PTPRT: variants seen among roughly 807,000 people sequenced by gnomAD.
The protein encoded by PTPRT is receptor-type tyrosine-protein phosphatase T.
A neutral mutation model predicts 176.8 loss-of-function variants in PTPRT; 56 were observed. That is an observed-to-expected ratio of 0.32 (90% CI 0.26 to 0.40). The LOEUF (loss-of-function observed/expected upper bound fraction) is 0.40. Ranked by LOEUF, PTPRT falls within the 10% of genes least tolerant of loss-of-function variation. The pLI, the probability that PTPRT is intolerant of heterozygous loss-of-function variation, is 1.00. For synonymous variants in PTPRT, 783 were observed against 739.0 expected (o/e 1.06, Z -0.96); for missense variants, 1,540 against 1,908.2 (o/e 0.81, Z 3.60).
At chr20:42,554,118 G>C (rs2072818545) in intron 7 of PTPRT, among the ~76,000 whole-genome samples, 1 of 152,090 alleles carries the variant, frequency 6.6e-6, no homozygotes, top group African/African-American at 2.4e-5. Context: ...GAAGAGAAAA[G>C]AGTCCGTAAT....
chr20:43,180,204 A>G (rs77369780), intron 1 of PTPRT, among the ~76,000 whole-genome samples: 6,483 of 152,268 alleles, frequency 0.043, 194 homozygotes, highest in Non-Finnish European at 0.066. Flanking sequence ...GACTCAAGTC[A>G]GAGCCTACAC....
intron 15 of PTPRT, among the ~76,000 whole-genome samples, chr20:42,210,381 T>C (rs1490446640): frequency 1.3e-5 from 2 of 151,940 alleles, no homozygotes; most frequent in African/African-American, 2.4e-5. Context: ...GATGACATGA[T>C]TGTATATCTA....
the PTPRT span, among the ~76,000 whole-genome samples, chr20:42,056,109 G>A: frequency 1.3e-5 from 2 of 152,126 alleles, no homozygotes; most frequent in African/African-American, 4.8e-5. Flanking sequence ...TCTTATTGAA[G>A]TTCTAATTGT....
At chr20:42,332,641 CA>C (rs1183233878) in intron 11 of PTPRT, among the ~76,000 whole-genome samples, 1 of 150,672 alleles carries the variant, frequency 6.6e-6, no homozygotes, top group African/African-American at 2.5e-5. Context: ...ATGTGGAAAA[CA>C]TTTTTTTTTT....
intron 11 of PTPRT, among the ~76,000 whole-genome samples, chr20:42,341,037 A>C (rs1354394416): frequency 6.6e-6 from 1 of 151,688 alleles, no homozygotes; most frequent in African/African-American, 2.4e-5. Context: ...TTCACCTTGA[A>C]TCTATTACTG....
At position 42,075,010 on chromosome 20, in the gene PTPRT, C is replaced by T. The variant is rs1982633737; in HGVS notation, c.*5869G>A. The T allele has an allele frequency of 5.1e-6, 2 of 391,610 alleles. No individual in the cohort carries two copies. Among genetic ancestry groups the T allele is most frequent in the Non-Finnish European group, 4.5e-6 (1 of 223,712 alleles). 24.3% of individuals were successfully genotyped at this position (391,610 alleles called of 1,614,324 possible). The stretch of plus-strand genomic sequence containing the variant: ...AGCTAGAACAGCTCCCCCCACACTC[C>T]ACCACTAACCTCTCTCCCTGCTGTT... On this transcript the variant is annotated 3_prime_UTR_variant, in exon 31 of 31. Coordinates refer to ENST00000373187, the MANE Select transcript of PTPRT (RefSeq NM_007050.6).
At chr20:43,129,926 T>C in intron 1 of PTPRT, among the ~76,000 whole-genome samples, 1 of 152,162 alleles carries the variant, frequency 6.6e-6, no homozygotes, top group East Asian at 1.9e-4. Context: ...CCCAAAGAGT[T>C]CTTTTCGGGA....
intron 1 of PTPRT, among the ~76,000 whole-genome samples, chr20:43,026,734 C>A (rs1985929407): frequency 6.6e-6 from 1 of 152,104 alleles, no homozygotes; most frequent in African/African-American, 2.4e-5. Context: ...CCTTCCACAC[C>A]CTCACTTCCC....
chr20:43,010,240 A>T (rs966572307), intron 1 of PTPRT, among the ~76,000 whole-genome samples: 3 of 151,944 alleles, frequency 2.0e-5, no homozygotes, highest in African/African-American at 7.3e-5. Context: ...TTATCAAGTC[A>T]CTTCCTGCCA....
intron 2 of PTPRT, among the ~76,000 whole-genome samples, chr20:42,860,367 C>G (rs1321557124): frequency 2.0e-5 from 3 of 152,226 alleles, no homozygotes; most frequent in African/African-American, 7.2e-5. Context: ...CTCCATCATT[C>G]TCTTTTCAAC....
chr20:42,168,929 C>G (rs1465349444), intron 16 of PTPRT, among the ~76,000 whole-genome samples: 1 of 152,190 alleles, frequency 6.6e-6, no homozygotes, highest in Non-Finnish European at 1.5e-5. Flanking sequence ...TGACCAAACA[C>G]ATAGTAGGGT....
chr20:42,919,459 G>A (rs1325683755), intron 1 of PTPRT, among the ~76,000 whole-genome samples: 1 of 152,284 alleles, frequency 6.6e-6, no homozygotes, highest in Non-Finnish European at 1.5e-5. Context: ...CTGTGGGGCT[G>A]CCCCAGAGAT....
At chr20:42,976,008 T>C (rs893646383) in intron 1 of PTPRT, among the ~76,000 whole-genome samples, 2 of 146,728 alleles carry the variant, frequency 1.4e-5, no homozygotes, top group Non-Finnish European at 2.9e-5. Flanking sequence ...CCTTTACACA[T>C]GAAATCCCTG....
chr20:42,640,626 C>G (rs1238054725), intron 7 of PTPRT, among the ~76,000 whole-genome samples: 1 of 152,056 alleles, frequency 6.6e-6, no homozygotes, highest in Non-Finnish European at 1.5e-5. Context: ...TGACCACCGC[C>G]TCAGCCTCCC....
At chr20:42,482,297 T>A (rs2071401469) in intron 7 of PTPRT, among the ~76,000 whole-genome samples, 1 of 152,160 alleles carries the variant, frequency 6.6e-6, no homozygotes, top group South Asian at 2.1e-4. Flanking sequence ...CAGGAATCCC[T>A]GCCTTTCACC....
intron 11 of PTPRT, among the ~76,000 whole-genome samples, chr20:42,346,046 G>A (rs1468754983): frequency 6.6e-6 from 1 of 152,156 alleles, no homozygotes; most frequent in Non-Finnish European, 1.5e-5. Flanking sequence ...TGAAGGATGA[G>A]AAGCTGCAGC....
Position 42,649,927 on chromosome 20 carries a change from C to A in PTPRT, c.1153+27939G>T, listed in dbSNP as rs2074998771. ...CTATGTTATCCAGGCAAGGGGAAGACAAGGAGGGCAGTAAGAGCCTGCTCC... is the reference window on the plus strand; with the variant it reads ...CTATGTTATCCAGGCAAGGGGAAGAAAAGGAGGGCAGTAAGAGCCTGCTCC... On this transcript the variant is annotated intron_variant, in intron 7 of 30. Coordinates refer to ENST00000373187, the MANE Select transcript of PTPRT (RefSeq NM_007050.6). Among the ~76,000 whole-genome samples the A allele has an allele frequency of 1.3e-5, 2 of 152,128 alleles. 1 individual carries two copies.
intron 18 of PTPRT, 61 bp downstream of exon 18, chr20:42,141,854 A>G: frequency 7.1e-7 from 1 of 1,400,550 alleles, no homozygotes; most frequent in East Asian, 2.3e-5. Context: ...TAATAGTAAT[A>G]GCCTCTTTTC....
rs191074087 is a variant in PTPRT, at chr20:42,257,888, A to G, written c.2177-9066T>C. ...CTAATACACCTATGAAGCAGGTTCCATCATTATACCTATTTCTGAGATGTG... is the reference window on the plus strand; with the variant it reads ...CTAATACACCTATGAAGCAGGTTCCGTCATTATACCTATTTCTGAGATGTG... On this transcript the variant is annotated intron_variant, in intron 13 of 30. Transcript: ENST00000373187. Among the ~76,000 whole-genome samples the G allele has an allele frequency of 2.8e-3, 427 of 152,058 alleles. 1 individual carries two copies. Among genetic ancestry groups the G allele is most frequent in the Non-Finnish European group, 5.3e-3 (360 of 67,984 alleles).
Sources: gnomAD v4.1 joint callset for allele counts (sites outside exome capture counted in the v4.1 genomes callset) on GRCh38, gnomAD v4.1.1 for gene constraint, MANE v1.5 for transcripts, NCBI Gene and HGNC (gene_info 2026-07-23, HGNC 2026-07-21) for gene names.